EPHA5: variants seen among roughly 807,000 people sequenced by gnomAD.
The protein encoded by EPHA5 is ephrin type-A receptor 5.
In EPHA5, 60 loss-of-function variants were observed where a neutral mutation model predicts 105.0. That is an observed-to-expected ratio of 0.57 (90% confidence interval 0.46 to 0.71). The LOEUF is 0.71. Among genes scored for constraint, EPHA5 ranks in the 30% least tolerant of loss-of-function variants. The pLI is 0.00. For synonymous variants in EPHA5, 513 were observed against 449.1 expected, an observed-to-expected ratio of 1.14 and a Z score of -1.80; for missense variants, 1,218 against 1,274.7, an observed-to-expected ratio of 0.96 and a Z score of 0.68.
intron 16 of EPHA5, among the ~76,000 whole-genome samples, chr4:65,326,719 A>G (rs1577811660): frequency 6.6e-6 from 1 of 151,398 alleles, no homozygotes; most frequent in Non-Finnish European, 1.5e-5. Context: ...CATGTGTTTT[A>G]TCATATGTTT....
rs1275539973 is a variant in EPHA5, at chr4:65,359,466, T to C, written c.2173+5551A>G. On this transcript the variant is annotated intron_variant, in intron 11 of 16. Coordinates refer to ENST00000613740, the MANE Select transcript of EPHA5 (RefSeq NM_001281766.3). ...ACATCTGTAATTGTATGCTAATAGG[T>C]ATCTCCAATTTAACATGTCCACAAC... Among the ~76,000 whole-genome samples, 3 of 151,632 alleles carry C rather than the reference T, an allele frequency of 2.0e-5. No individual in the cohort carries two copies. The East Asian group carries it at 5.8e-4, about 29-fold the overall frequency.
chr4:65,483,635 CA>C (rs903391295), intron 5 of EPHA5, among the ~76,000 whole-genome samples: 405 of 151,828 alleles, frequency 2.7e-3, no homozygotes, highest in African/African-American at 9.3e-3. Flanking sequence ...AGACTATCAC[CA>C]AAAAAAATTT....
chr4:65,630,717 G>A (rs1746551730), intron 2 of EPHA5, among the ~76,000 whole-genome samples: 1 of 152,288 alleles, frequency 6.6e-6, no homozygotes, highest in Admixed American at 6.5e-5. Context: ...CAAGAATTGA[G>A]GTTGCTGCAG....
At chr4:65,633,606 A>G (rs769121689) in intron 2 of EPHA5, among the ~76,000 whole-genome samples, 4 of 151,892 alleles carry the variant, frequency 2.6e-5, no homozygotes, top group Non-Finnish European at 5.9e-5. Flanking sequence ...TTTTGCATGG[A>G]CTATATCATT....
At chr4:65,463,229 C>T (rs1424907950) in intron 5 of EPHA5, among the ~76,000 whole-genome samples, 1 of 152,016 alleles carries the variant, frequency 6.6e-6, no homozygotes, top group African/African-American at 2.4e-5. Context: ...TTTTTATTTG[C>T]AAAGCCGTTC....
chr4:65,650,122 A>T (rs1408579013), intron 1 of EPHA5, among the ~76,000 whole-genome samples: 1 of 152,208 alleles, frequency 6.6e-6, no homozygotes, highest in Non-Finnish European at 1.5e-5. Context: ...GCTGGTTCTT[A>T]ACATATTTAT....
chr4:65,369,430 CA>C (rs1277168574), intron 8 of EPHA5, among the ~76,000 whole-genome samples: 1 of 151,926 alleles, frequency 6.6e-6, no homozygotes, highest in Non-Finnish European at 1.5e-5. Context: ...AAAAGACAGC[CA>C]AATGACAGAC....
intron 2 of EPHA5, among the ~76,000 whole-genome samples, chr4:65,636,885 T>C (rs1355606353): frequency 6.6e-6 from 1 of 152,074 alleles, no homozygotes; most frequent in African/African-American, 2.4e-5. Context: ...GTGTTTTACT[T>C]CACTGCTGTA....
intron 3 of EPHA5, among the ~76,000 whole-genome samples, chr4:65,568,193 T>G (rs543527405): frequency 2.5e-3 from 378 of 151,582 alleles, no homozygotes; most frequent in African/African-American, 8.8e-3. Flanking sequence ...CTTTTAATTT[T>G]TATTAAAGGT....
chr4:65,396,515 C>A (rs1011166154), intron 8 of EPHA5, among the ~76,000 whole-genome samples: 2 of 152,090 alleles, frequency 1.3e-5, no homozygotes, highest in Non-Finnish European at 2.9e-5. Flanking sequence ...AGGGGATGAG[C>A]CTTATCCCGT....
chr4:65,381,982 G>GC (rs1452187313), intron 8 of EPHA5, among the ~76,000 whole-genome samples: 2 of 151,764 alleles, frequency 1.3e-5, no homozygotes, highest in Non-Finnish European at 2.9e-5. Context: ...TTATTTAAAT[G>GC]CAAGTTTTAA....
At chr4:65,508,467 A>T (rs1295437363) in intron 3 of EPHA5, among the ~76,000 whole-genome samples, 1 of 152,104 alleles carries the variant, frequency 6.6e-6, no homozygotes, top group South Asian at 2.1e-4. Context: ...CTCTCCTTGT[A>T]CTATTGGGCA....
chr4:65,496,348 T>G (rs1455846178), intron 3 of EPHA5, among the ~76,000 whole-genome samples: 1 of 149,336 alleles, frequency 6.7e-6, no homozygotes, highest in Non-Finnish European at 1.5e-5. Context: ...CATCTAGCAT[T>G]AGGTATATCT....
chr4:65,541,024 GCTCT>G (rs1033406675), intron 3 of EPHA5, among the ~76,000 whole-genome samples: 1 of 150,902 alleles, frequency 6.6e-6, no homozygotes, highest in Non-Finnish European at 1.5e-5. Context: ...TCTCTCTCTT[GCTCT>G]CTCTCTGTCT....
At chr4:65,633,550 T>A (rs1746839220) in intron 2 of EPHA5, among the ~76,000 whole-genome samples, 1 of 152,034 alleles carries the variant, frequency 6.6e-6, no homozygotes, top group African/African-American at 2.4e-5. Flanking sequence ...CAAATATCAA[T>A]GTCAGGAGAT....
intron 3 of EPHA5, among the ~76,000 whole-genome samples, chr4:65,535,918 T>G (rs1736240905): frequency 6.6e-6 from 1 of 152,014 alleles, no homozygotes; most frequent in South Asian, 2.1e-4. Flanking sequence ...CATTTAGGTA[T>G]TATGGTTTTA....
At chr4:65,389,346 A>T (rs1307561517) in intron 8 of EPHA5, among the ~76,000 whole-genome samples, 8 of 152,074 alleles carry the variant, frequency 5.3e-5, no homozygotes, top group Admixed American at 5.3e-4. Flanking sequence ...ACATTAATAT[A>T]AAAAGTACTT....
intron 3 of EPHA5, among the ~76,000 whole-genome samples, chr4:65,574,667 C>T (rs867049544): frequency 2.6e-4 from 23 of 87,198 alleles, no homozygotes; most frequent in Admixed American, 7.2e-4. Flanking sequence ...TATATATATA[C>T]ACATATATAT....
chr4:65,484,197 G>A (rs898463222), intron 5 of EPHA5, among the ~76,000 whole-genome samples: 10 of 152,020 alleles, frequency 6.6e-5, no homozygotes, highest in East Asian at 5.8e-4. Context: ...AGTATTTGCC[G>A]CTTTTTGGCA....
Sources: allele counts gnomAD v4.1 joint callset (sites outside exome capture counted in the v4.1 genomes callset), GRCh38; gene constraint gnomAD v4.1.1; transcripts MANE v1.5; gene names NCBI Gene and HGNC (gene_info 2026-07-23, HGNC 2026-07-21).